PDE7B: variants seen among roughly 807,000 people sequenced by gnomAD.
PDE7B encodes the protein 3',5'-cyclic-AMP phosphodiesterase 7B.
PDE7B carries 29 observed loss-of-function variants against 56.2 expected under a neutral mutation model. The observed-to-expected ratio is 0.52, with a 90% CI of 0.38 to 0.70. The LOEUF is 0.70. Among genes scored for constraint, PDE7B ranks in the 30% least tolerant of loss-of-function variants. The pLI, the probability that PDE7B is intolerant of heterozygous loss-of-function variation, is 0.00. For missense variants in PDE7B, 490 were observed against 565.0 expected (o/e 0.87, Z 1.35); for synonymous variants, 197 against 196.9 (o/e 1.00, Z 0.00).
chr6:136,123,085 G>T (rs1306225449), intron 3 of PDE7B, among the ~76,000 whole-genome samples: 1 of 25,762 alleles, frequency 3.9e-5, no homozygotes, highest in African/African-American at 1.7e-4. Flanking sequence ...CTCCATCTAG[G>T]TGCGGTGGCT....
intron 3 of PDE7B, among the ~76,000 whole-genome samples, chr6:136,123,692 C>A (rs189226277): frequency 6.6e-6 from 1 of 152,230 alleles, no homozygotes; most frequent in African/African-American, 2.4e-5. Context: ...CCCAGTGACT[C>A]ATGACTTCTC....
chr6:135,863,572 G>A (rs1775192188), intron 1 of PDE7B, among the ~76,000 whole-genome samples: 1 of 151,924 alleles, frequency 6.6e-6, no homozygotes, highest in Non-Finnish European at 1.5e-5. Flanking sequence ...TATCTATAAT[G>A]GCTCCATAAG....
intron 2 of PDE7B, among the ~76,000 whole-genome samples, chr6:136,102,037 C>T (rs1364148370): frequency 6.6e-6 from 1 of 152,182 alleles, no homozygotes; most frequent in Non-Finnish European, 1.5e-5. Context: ...AATGGAGATG[C>T]TGGCCACGTG....
chr6:136,155,838 G>A (rs771742264), intron 8 of PDE7B, 80 bp downstream of exon 8: 6 of 1,419,930 alleles, frequency 4.2e-6, no homozygotes, highest in African/African-American at 1.4e-5. Context: ...TCTTGCCCAT[G>A]GAGAAAGCCT....
At chr6:135,971,110 C>G (rs1326540150) in intron 2 of PDE7B, among the ~76,000 whole-genome samples, 5 of 152,056 alleles carry the variant, frequency 3.3e-5, no homozygotes, top group Non-Finnish European at 7.4e-5. Context: ...GCCGTCTTTA[C>G]AGAGGTAATC....
chr6:135,991,787 G>A (rs2128205253), intron 2 of PDE7B: 1 of 152,278 alleles, frequency 6.6e-6, no homozygotes, highest in Non-Finnish European at 1.5e-5. Context: ...GCTGCAGAGA[G>A]AAAAAAGAGG....
intron 1 of PDE7B, among the ~76,000 whole-genome samples, chr6:135,854,184 C>T (rs1269241135): frequency 6.6e-6 from 1 of 152,110 alleles, no homozygotes; most frequent in Admixed American, 6.5e-5. Flanking sequence ...TTGTTGTTAG[C>T]CAGGCCCAAA....
intron 1 of PDE7B, among the ~76,000 whole-genome samples, chr6:135,868,431 C>CT (rs562195190): frequency 2.0e-3 from 286 of 146,288 alleles, no homozygotes; most frequent in Middle Eastern, 3.6e-3. Flanking sequence ...GGGAGATAAA[C>CT]TTTTTTTTTT....
intron 2 of PDE7B, among the ~76,000 whole-genome samples, chr6:136,011,233 G>A (rs1381781743): frequency 1.3e-5 from 2 of 152,132 alleles, no homozygotes; most frequent in South Asian, 2.1e-4. Context: ...CAGAGATCAG[G>A]GTATCAGGGT....
At chr6:136,009,788 A>G (rs1274228809) in intron 2 of PDE7B, among the ~76,000 whole-genome samples, 1 of 152,202 alleles carries the variant, frequency 6.6e-6, no homozygotes, top group Non-Finnish European at 1.5e-5. Context: ...AACAGGGACA[A>G]TTTGACTTCT....
chr6:136,050,066 A>G (rs1455791501), intron 2 of PDE7B, among the ~76,000 whole-genome samples: 2 of 152,124 alleles, frequency 1.3e-5, no homozygotes, highest in Non-Finnish European at 2.9e-5. Flanking sequence ...CATGCCATTG[A>G]CTCAGCCACG....
chr6:136,083,835 A>AT (rs1387055014), intron 2 of PDE7B, among the ~76,000 whole-genome samples: 1 of 151,416 alleles, frequency 6.6e-6, no homozygotes, highest in Non-Finnish European at 1.5e-5. Flanking sequence ...CCACATTGAT[A>AT]TTTTTCTTTT....
intron 11 of PDE7B, among the ~76,000 whole-genome samples, chr6:136,183,607 A>G (rs1375796800): frequency 2.7e-5 from 4 of 150,696 alleles, no homozygotes; most frequent in East Asian, 2.0e-4. Context: ...AAAAAAAAAA[A>G]AAAAAGAAAA....
intron 2 of PDE7B, among the ~76,000 whole-genome samples, chr6:135,982,822 G>A (rs545179601): frequency 6.6e-6 from 1 of 152,148 alleles, no homozygotes; most frequent in South Asian, 2.1e-4. Flanking sequence ...TCTGGCTCCT[G>A]GATACTCATC....
chr6:136,127,659 C>T (rs1192717788), intron 3 of PDE7B, among the ~76,000 whole-genome samples: 1 of 152,118 alleles, frequency 6.6e-6, no homozygotes, highest in Non-Finnish European at 1.5e-5. Flanking sequence ...GAGTTAGGGG[C>T]TCCTGAAAAG....
intron 2 of PDE7B, among the ~76,000 whole-genome samples, chr6:135,956,189 C>T (rs914962343): frequency 6.6e-6 from 1 of 151,960 alleles, no homozygotes; most frequent in Non-Finnish European, 1.5e-5. Flanking sequence ...AGGATTGTAC[C>T]TTAGCCATCT....
At chr6:136,160,801 C>A (rs1041554966) in intron 8 of PDE7B, among the ~76,000 whole-genome samples, 8 of 152,274 alleles carry the variant, frequency 5.3e-5, no homozygotes, top group African/African-American at 1.9e-4. Context: ...GGCTGAACTT[C>A]CAGTTTCCCA....
chr6:136,033,786 C>G lies in PDE7B; in HGVS notation c.83-74945C>G, dbSNP rs975004049. ...ATTGTTTGCAGTTCTTCTACTTGGA[C>G]TGTATAGAACCAAGTTGAAAGACCT... is the stretch of plus-strand genomic sequence containing the variant. On this transcript the variant is annotated intron_variant, in intron 2 of 12. Coordinates refer to ENST00000308191, the MANE Select transcript of PDE7B (RefSeq NM_018945.4). Among the ~76,000 whole-genome samples the G allele has an allele frequency of 6.6e-5, 10 of 152,228 alleles. No homozygotes were observed. The South Asian group carries it at 2.1e-3, about 32-fold the overall frequency.
At chr6:136,183,977 G>A (rs367765373) in intron 11 of PDE7B, among the ~76,000 whole-genome samples, 4 of 152,198 alleles carry the variant, frequency 2.6e-5, no homozygotes, top group African/African-American at 4.8e-5. Flanking sequence ...TCCTCTCCCC[G>A]AAAAAACCTT....
Sources: allele counts gnomAD v4.1 joint callset (sites outside exome capture counted in the v4.1 genomes callset), GRCh38; gene constraint gnomAD v4.1.1; transcripts MANE v1.5; gene names NCBI Gene and HGNC (gene_info 2026-07-23, HGNC 2026-07-21).